Variants in ZNF763 observed in about 807,000 individuals in gnomAD.
ZNF763 encodes the protein DNA-binding protein.
A neutral mutation model predicts 38.0 loss-of-function variants in ZNF763; 33 were observed. The observed-to-expected ratio is 0.87, with a 90% CI of 0.66 to 1.16. The LOEUF (loss-of-function observed/expected upper bound fraction) is 1.16. Ranked by LOEUF, ZNF763 falls within the 50% of genes most tolerant of loss-of-function variation. The pLI is 0.00. For synonymous variants in ZNF763, 155 were observed against 160.1 expected (o/e 0.97, Z 0.24); for missense variants, 423 against 469.1 (o/e 0.90, Z 0.91).
At chr19:11,974,102 TTTCTTTCTTTCTTTCTTTC>T (rs1349448618) in intron 1 of ZNF763, among the ~76,000 whole-genome samples, 1 of 97,224 alleles carries the variant, frequency 1.0e-5, no homozygotes, top group Non-Finnish European at 2.1e-5. Flanking sequence ...TCTTTCTTTC[TTTCTTTCTTTCTTTCTTTC>T]TTTCTTTTCT....
chr19:11,974,114 TTTCTTTCTTTCTTTTCTTTCTTTC>T (rs1390693782), intron 1 of ZNF763, among the ~76,000 whole-genome samples: 21 of 84,986 alleles, frequency 2.5e-4, no homozygotes, highest in Middle Eastern at 6.3e-3. Context: ...TCTTTCTTTC[TTTCTTTCTTTCTTTTCTTTCTTTC>T]TTTCTTTCTT....
chr19:11,972,943 T>A (rs2145333342), intron 1 of ZNF763, among the ~76,000 whole-genome samples: 1 of 152,254 alleles, frequency 6.6e-6, no homozygotes, highest in East Asian at 1.9e-4. Flanking sequence ...AAAAAAATCA[T>A]TTTAAACCAT....
chr19:11,977,345 A>T, intron 2 of ZNF763, 26 bp from the exon 3 acceptor site: 1 of 1,612,886 alleles, frequency 6.2e-7, no homozygotes, highest in Non-Finnish European at 8.5e-7. Flanking sequence ...TTGCTTCAGG[A>T]CTACTTTTCT....
At chr19:11,974,110 TTTCTTTCTTTCTTTC>T (rs1212375918) in intron 1 of ZNF763, among the ~76,000 whole-genome samples, 1 of 100,966 alleles carries the variant, frequency 9.9e-6, no homozygotes, top group Non-Finnish European at 2.0e-5. Context: ...TCTTTCTTTC[TTTCTTTCTTTCTTTC>T]TTTTCTTTCT....
intron 1 of ZNF763, among the ~76,000 whole-genome samples, chr19:11,970,007 T>C (rs1973317575): frequency 6.6e-6 from 1 of 152,206 alleles, no homozygotes; most frequent in Non-Finnish European, 1.5e-5. Context: ...TCATGGGTAT[T>C]AGTGCCTTAG....
chr19:11,968,539 G>A (rs1401824541), intron 1 of ZNF763, among the ~76,000 whole-genome samples: 7 of 152,190 alleles, frequency 4.6e-5, no homozygotes, highest in Non-Finnish European at 1.5e-5. Context: ...AATGCATGTG[G>A]ATAACAACTT....
At position 11,980,098 on chromosome 19, in the gene ZNF763, T is replaced by A; in HGVS notation, c.*989T>A. On this transcript the variant is annotated 3_prime_UTR_variant, in exon 4 of 4. Coordinates refer to ENST00000358987, the MANE Select transcript of ZNF763 (RefSeq NM_001367172.2). ...AGCAATGTGGAAAAACCTTCAGATC[T>A]ACCTCACACCTTCGAAAACATGGTA... 1.0e-6 allele frequency: 1 copy of A among 971,540 alleles called. No homozygotes were observed. Among genetic ancestry groups the A allele is most frequent in the Non-Finnish European group, 1.6e-6 (1 of 636,496 alleles). 60.2% of individuals were successfully genotyped at this position (971,540 alleles called of 1,614,324 possible).
rs901401482 is a variant in ZNF763, at chr19:11,979,799, T to G, written c.*690T>G. ...TCACACTGGAGAGAAACCCTATGAG[T>G]GTAAGGAATGTGGGAAAGCCTTCAG... is the stretch of plus-strand genomic sequence containing the variant. On this transcript the variant is annotated 3_prime_UTR_variant, in exon 4 of 4. Coordinates refer to ENST00000358987, the MANE Select transcript of ZNF763 (RefSeq NM_001367172.2). The G allele has an allele frequency of 9.5e-6, 15 of 1,574,596 alleles. No homozygotes were observed. The African/African-American group carries it at 1.6e-4, about 17-fold the overall frequency.
At chr19:11,971,064 T>C (rs1171045666) in intron 1 of ZNF763, among the ~76,000 whole-genome samples, 1 of 152,216 alleles carries the variant, frequency 6.6e-6, no homozygotes, top group Non-Finnish European at 1.5e-5. Context: ...CTGCAGTGTA[T>C]AGTAGGGATA....
intron 1 of ZNF763, among the ~76,000 whole-genome samples, chr19:11,975,079 G>A (rs1973455469): frequency 6.6e-6 from 1 of 151,960 alleles, no homozygotes; most frequent in Non-Finnish European, 1.5e-5. Flanking sequence ...GTCATAGTAC[G>A]GGCCAAGATG....
intron 1 of ZNF763, among the ~76,000 whole-genome samples, chr19:11,969,231 A>T (rs2145326872): frequency 6.6e-6 from 1 of 152,216 alleles, no homozygotes; most frequent in East Asian, 1.9e-4. Flanking sequence ...CAGCCTTTCC[A>T]GTAGCTGGGA....
chr19:11,965,650 C>T (rs1286606595), intron 1 of ZNF763, among the ~76,000 whole-genome samples: 2 of 152,182 alleles, frequency 1.3e-5, no homozygotes, highest in Non-Finnish European at 2.9e-5. Flanking sequence ...TTTGAGCAAA[C>T]AGCAATTCAG....
Position 11,979,222 on chromosome 19 carries a change from C to A in ZNF763, c.*113C>A, listed in dbSNP as rs565976465. On this transcript the variant is annotated 3_prime_UTR_variant, in exon 4 of 4. Coordinates refer to ENST00000358987, the MANE Select transcript of ZNF763 (RefSeq NM_001367172.2). ...CATGCCATGTGGTAAAGCCTTCAAT[C>A]TTTCCAGTTCCTTTCAGTATCATGA... 138 of 1,610,422 alleles carry A rather than the reference C, an allele frequency of 8.6e-5. No individual in the cohort carries two copies. The South Asian group carries it at 1.5e-3, about 17-fold the overall frequency.
chr19:11,975,573 A>G (rs1973470942), intron 1 of ZNF763, among the ~76,000 whole-genome samples: 1 of 150,658 alleles, frequency 6.6e-6, no homozygotes, highest in Admixed American at 6.6e-5. Context: ...AATTTTTCGT[A>G]TTTTTAGTAG....
chr19:11,974,130 C>CTTTTCTTTCTTTCTTTCTTTCTTTCT (rs1208179501), intron 1 of ZNF763, among the ~76,000 whole-genome samples: 1 of 82,206 alleles, frequency 1.2e-5, no homozygotes, highest in African/African-American at 5.7e-5. Flanking sequence ...TCTTTCTTTT[C>CTTTTCTTTCTTTCTTTCTTTCTTTCT]TTTCTTTCTT....
chr19:11,974,859 T>G (rs1054064573), intron 1 of ZNF763, among the ~76,000 whole-genome samples: 1 of 152,226 alleles, frequency 6.6e-6, no homozygotes, highest in Non-Finnish European at 1.5e-5. Flanking sequence ...TGCCTTGGCC[T>G]TGCAAGGTGC....
chr19:11,975,333 C>T (rs915019611), intron 1 of ZNF763, among the ~76,000 whole-genome samples: 20 of 152,132 alleles, frequency 1.3e-4, no homozygotes, highest in African/African-American at 4.6e-4. Context: ...CCACACCCCC[C>T]AAAGTTCTGG....
chr19:11,970,531 G>A (rs914277049), intron 1 of ZNF763, among the ~76,000 whole-genome samples: 1 of 152,246 alleles, frequency 6.6e-6, no homozygotes, highest in African/African-American at 2.4e-5. Context: ...TGGAGATGAT[G>A]AGTAGTAGAT....
In ZNF763 at chr19:11,979,695, C is replaced by G; in HGVS notation, c.*586C>G. 6.2e-7 allele frequency: 1 copy of G among 1,602,196 alleles called. No homozygotes were observed. The highest frequency in any genetic ancestry group is 8.5e-7 in the Non-Finnish European group (1 of 1,171,500). On this transcript the variant is annotated 3_prime_UTR_variant, in exon 4 of 4. Coordinates refer to ENST00000358987, the MANE Select transcript of ZNF763 (RefSeq NM_001367172.2). ...CTTCAAATGCATGCTGGGACTCACC[C>G]TGAAGAGAAGCCCTACGAGTGTAAG...
Sources: gnomAD v4.1 joint callset for allele counts (sites outside exome capture counted in the v4.1 genomes callset) on GRCh38, gnomAD v4.1.1 for gene constraint, MANE v1.5 for transcripts, NCBI Gene and HGNC (gene_info 2026-07-23, HGNC 2026-07-21) for gene names.